Variants in PGM5 observed in about 807,000 individuals in gnomAD.
The protein encoded by PGM5 is phosphoglucomutase-like protein 5.
A neutral mutation model predicts 59.2 loss-of-function variants in PGM5; 23 were observed. That is an observed-to-expected ratio of 0.39 (90% CI 0.28 to 0.55). The LOEUF (loss-of-function observed/expected upper bound fraction) is 0.55. PGM5 is among the 20% of genes least tolerant of loss of function. PGM5 has a pLI of 0.66. For synonymous variants in PGM5, 214 were observed against 286.0 expected (o/e 0.75, Z 2.54); for missense variants, 574 against 748.3 (o/e 0.77, Z 2.72).
chr9:68,425,846 C>A (rs1219089595), intron 6 of PGM5, among the ~76,000 whole-genome samples: 4 of 152,024 alleles, frequency 2.6e-5, no homozygotes, highest in African/African-American at 4.8e-5. Context: ...AAGAGATGCC[C>A]AAAGTGGTTT....
chr9:68,462,561 G>A (rs529506609), intron 6 of PGM5, among the ~76,000 whole-genome samples: 1 of 152,236 alleles, frequency 6.6e-6, no homozygotes, highest in South Asian at 2.1e-4. Context: ...CTTTCAGCTT[G>A]ATGACCTCCT....
chr9:68,515,561 T>C (rs982573119), intron 10 of PGM5, among the ~76,000 whole-genome samples: 2 of 152,220 alleles, frequency 1.3e-5, no homozygotes, highest in Admixed American at 6.5e-5. Flanking sequence ...TGCAATCTGA[T>C]TGTACTCTCT....
intron 6 of PGM5, among the ~76,000 whole-genome samples, chr9:68,409,301 G>A (rs1822879580): frequency 7.1e-6 from 1 of 140,762 alleles, no homozygotes. Flanking sequence ...TTCAACCATT[G>A]TGGAAGTCAG....
In PGM5 at chr9:68,416,180, C is replaced by CA. The variant is rs1563999622; in HGVS notation, c.1043+23714dup. On this transcript the variant is annotated intron_variant, in intron 6 of 10. Transcript: ENST00000396396. ...TTAGCCAGTGATTTCCTGTCATCCA[C>CA]AAAAAAAGATGAAATAGTAAGAGAA... Among the ~76,000 whole-genome samples the CA allele has an allele frequency of 2.0e-5, 3 of 151,938 alleles. No individual in the cohort carries two copies. The South Asian group carries it at 6.2e-4, about 32-fold the overall frequency.
At chr9:68,483,041 C>T (rs984636847) in intron 8 of PGM5, among the ~76,000 whole-genome samples, 5 of 152,094 alleles carry the variant, frequency 3.3e-5, no homozygotes, top group Non-Finnish European at 7.3e-5. Context: ...CTCAGTTCCC[C>T]TTCTCCCTTT....
At chr9:68,381,317 T>A (rs1166793989) in intron 2 of PGM5, among the ~76,000 whole-genome samples, 3 of 132,710 alleles carry the variant, frequency 2.3e-5, no homozygotes, top group Non-Finnish European at 3.3e-5. Context: ...TTTTAGAAAG[T>A]TCAGCATTCT....
chr9:68,390,426 C>T lies in PGM5; in HGVS notation c.698-1108C>T, dbSNP rs151081525. On this transcript the variant is annotated intron_variant, in intron 4 of 10. Transcript: ENST00000396396. ...TGATTGCGCAGACATAGGTCACCTC[C>T]TTAGCCTTGGGGAGGTGGGATTTAG... is the stretch of plus-strand genomic sequence containing the variant. 8.8e-3 allele frequency among the ~76,000 whole-genome samples: 1,339 copies of T among 152,264 alleles called. 19 individuals are homozygous for T. The highest frequency in any genetic ancestry group is 0.029 in the African/African-American group (1,226 of 41,570).
At chr9:68,379,976 G>A (rs1245630519) in intron 2 of PGM5, among the ~76,000 whole-genome samples, 4 of 151,888 alleles carry the variant, frequency 2.6e-5, no homozygotes, top group Admixed American at 6.6e-5. Flanking sequence ...TGGACATGAA[G>A]GAAGAAATAT....
At chr9:68,358,013 T>G (rs1290753826) in intron 1 of PGM5, among the ~76,000 whole-genome samples, 5 of 152,090 alleles carry the variant, frequency 3.3e-5, no homozygotes, top group Non-Finnish European at 7.4e-5. Flanking sequence ...TTTTATTATT[T>G]TGGTTCTTTA....
At chr9:68,443,951 G>A (rs1165794395) in intron 6 of PGM5, among the ~76,000 whole-genome samples, 5 of 152,158 alleles carry the variant, frequency 3.3e-5, no homozygotes, top group African/African-American at 1.2e-4. Context: ...GACTGACAAG[G>A]AGGGCAATCT....
intron 6 of PGM5, among the ~76,000 whole-genome samples, chr9:68,458,365 C>T (rs572571773): frequency 3.3e-5 from 5 of 152,286 alleles, no homozygotes; most frequent in South Asian, 4.2e-4. Flanking sequence ...CTAGGTAAAG[C>T]GGCAAAGGCC....
intron 10 of PGM5, among the ~76,000 whole-genome samples, chr9:68,528,545 T>G (rs1825025247): frequency 6.6e-6 from 1 of 152,262 alleles, no homozygotes; most frequent in Non-Finnish European, 1.5e-5. Context: ...CCAATATTTG[T>G]CTTTAAATTG....
At chr9:68,510,210 G>A (rs138721342) in intron 10 of PGM5, among the ~76,000 whole-genome samples, 85 of 146,600 alleles carry the variant, frequency 5.8e-4, no homozygotes, top group African/African-American at 1.7e-3. Context: ...GGAGTGCAGT[G>A]GCGCAATCTC....
chr9:68,450,635 A>AT (rs1427261576), intron 6 of PGM5, among the ~76,000 whole-genome samples: 1 of 152,214 alleles, frequency 6.6e-6, no homozygotes, highest in Non-Finnish European at 1.5e-5. Context: ...TTTTATTTGG[A>AT]TTGGATATGC....
At chr9:68,454,879 G>A (rs376459682) in intron 6 of PGM5, among the ~76,000 whole-genome samples, 3 of 152,052 alleles carry the variant, frequency 2.0e-5, no homozygotes, top group Non-Finnish European at 4.4e-5. Flanking sequence ...CCCTTTCCTC[G>A]TAACTATGTG....
At chr9:68,525,181 G>C (rs183882898) in intron 10 of PGM5, among the ~76,000 whole-genome samples, 1 of 152,022 alleles carries the variant, frequency 6.6e-6, no homozygotes, top group Non-Finnish European at 1.5e-5. Flanking sequence ...GTAAAAACCC[G>C]GCACTGTTGA....
intron 10 of PGM5, among the ~76,000 whole-genome samples, chr9:68,526,272 G>A (rs1005553200): frequency 1.6e-4 from 25 of 152,138 alleles, no homozygotes; most frequent in Non-Finnish European, 5.9e-5. Flanking sequence ...CATATTTCCC[G>A]GAAGGCAGAT....
chr9:68,491,542 G>C (rs549194066), intron 9 of PGM5, among the ~76,000 whole-genome samples: 3 of 152,340 alleles, frequency 2.0e-5, no homozygotes, highest in African/African-American at 4.8e-5. Context: ...GGAAAATAAA[G>C]ACAGTCGGGC....
At chr9:68,373,841 T>C (rs1821804521) in intron 1 of PGM5, among the ~76,000 whole-genome samples, 1 of 152,258 alleles carries the variant, frequency 6.6e-6, no homozygotes, top group Admixed American at 6.5e-5. Context: ...TCCTTCCCTC[T>C]TGTGACTCTG....
Sources: allele counts gnomAD v4.1 joint callset (sites outside exome capture counted in the v4.1 genomes callset), GRCh38; gene constraint gnomAD v4.1.1; transcripts MANE v1.5; gene names NCBI Gene and HGNC (gene_info 2026-07-23, HGNC 2026-07-21).